The following KIR2DL4 variants were observed in gnomAD, a reference collection of about 807,000 sequenced individuals.
KIR2DL4 encodes the protein killer cell immunoglobulin-like receptor 2DL4.
A neutral mutation model predicts 31.0 loss-of-function variants in KIR2DL4; 41 were observed. The observed-to-expected ratio is 1.32, with a 90% CI of 1.03 to 1.72. The LOEUF (loss-of-function observed/expected upper bound fraction) is 1.72, where lower values mean the gene tolerates loss of function less well. KIR2DL4 is among the 40% of genes most tolerant of loss of function. The probability of loss-of-function intolerance (pLI) is 0.00; values close to 1 mark genes in which losing one functional copy is unlikely to be tolerated. For missense variants in KIR2DL4, 438 were observed against 353.7 expected (o/e 1.24, Z -1.91); for synonymous variants, 164 against 133.6 (o/e 1.23, Z -1.57).
chr19:54,804,793 G>C, exon 3 of KIR2DL4: 1 of 1,611,356 alleles, frequency 6.2e-7, no homozygotes, highest in Non-Finnish European at 8.5e-7. Flanking sequence ...TCTCCCCAAG[G>C]TGGTCAGGAC....
chr19:54,804,389 G>A (rs2060368208), intron 2 of KIR2DL4, among the ~76,000 whole-genome samples: 1 of 151,314 alleles, frequency 6.6e-6, no homozygotes, highest in African/African-American at 2.4e-5. Flanking sequence ...CAGTGTGGCT[G>A]CTGTCATTCT....
At chr19:54,814,181 C>G (rs1250437372) in exon 8 of KIR2DL4, 7 of 1,546,194 alleles carry the variant, frequency 4.5e-6, no homozygotes, top group Non-Finnish European at 6.2e-6. Context: ...CTCTTGCTTA[C>G]CAATGTCTAA....
exon 2 of KIR2DL4, chr19:54,803,900 T>C: frequency 1.2e-6 from 2 of 1,610,298 alleles, no homozygotes; most frequent in Non-Finnish European, 1.7e-6. Context: ...GGGTTCTTCT[T>C]GGACCAGAGT....
chr19:54,804,704 A>T, intron 2 of KIR2DL4, 89 bp from the exon 3 acceptor site: 29 of 1,412,444 alleles, frequency 2.1e-5, no homozygotes, highest in Non-Finnish European at 2.6e-5. Context: ...GAGCCTTAGA[A>T]AGAAGAAATG....
intron 6 of KIR2DL4, chr19:54,813,300 G>A: frequency 6.3e-7 from 1 of 1,588,594 alleles, no homozygotes; most frequent in Non-Finnish European, 8.5e-7. Context: ...ACGCAGGTGT[G>A]TGTTCCTCAC....
chr19:54,804,752 C>G (rs1262156725), intron 2 of KIR2DL4, 41 bp from the exon 3 acceptor site: 3 of 1,591,240 alleles, frequency 1.9e-6, no homozygotes, highest in Non-Finnish European at 2.6e-6. Flanking sequence ...AGGGGCAGCT[C>G]AACATACTCC....
At chr19:54,810,577 C>T (rs368290582) in intron 5 of KIR2DL4, among the ~76,000 whole-genome samples, 5 of 151,448 alleles carry the variant, frequency 3.3e-5, no homozygotes, top group African/African-American at 2.4e-5. Flanking sequence ...AGCTGTCAGC[C>T]GTGAAGGCAC....
At chr19:54,806,236 C>G in exon 4 of KIR2DL4, 1 of 1,609,954 alleles carries the variant, frequency 6.2e-7, no homozygotes, top group Non-Finnish European at 8.5e-7. Context: ...CTGCCTGTTT[C>G]TGTCACAGGT....
At chr19:54,805,137 G>T in intron 3 of KIR2DL4, 60 bp downstream of exon 3, 1 of 1,498,820 alleles carries the variant, frequency 6.7e-7, no homozygotes, top group Non-Finnish European at 8.9e-7. Context: ...AGAGCTTCTG[G>T]TGGGGGTGTC....
intron 5 of KIR2DL4, among the ~76,000 whole-genome samples, chr19:54,809,832 C>T (rs1247100687): frequency 6.6e-6 from 1 of 151,238 alleles, no homozygotes; most frequent in African/African-American, 2.4e-5. Flanking sequence ...ATCTAGGATA[C>T]CCTCCTTTTA....
intron 4 of KIR2DL4, 131 bp from the exon 5 acceptor site, chr19:54,808,702 A>G: frequency 3.9e-6 from 3 of 772,794 alleles, no homozygotes; most frequent in Non-Finnish European, 7.0e-6. Flanking sequence ...ATTATGGAGA[A>G]TGGGATGCCA....
At chr19:54,814,377 G>A in exon 8 of KIR2DL4, 1 of 486,450 alleles carries the variant, frequency 2.1e-6, no homozygotes, top group South Asian at 2.3e-5. Flanking sequence ...ACGGCACTTA[G>A]ACACGTGCTG....
At chr19:54,808,721 A>G in intron 4 of KIR2DL4, 112 bp from the exon 5 acceptor site, 2 of 831,628 alleles carry the variant, frequency 2.4e-6, no homozygotes, top group Non-Finnish European at 4.2e-6. Context: ...CAGGACTCCC[A>G]GGGCCCAACA....
chr19:54,805,665 T>C (rs1467603626), intron 3 of KIR2DL4, among the ~76,000 whole-genome samples: 4 of 151,038 alleles, frequency 2.6e-5, no homozygotes, highest in African/African-American at 9.8e-5. Context: ...TGTGATAATT[T>C]TCTCCAGCAA....
At position 54,803,821 on chromosome 19, in the gene KIR2DL4, G is replaced by A. The variant is rs560915366; in HGVS notation, c.41-70G>A. The A allele has an allele frequency of 1.6e-5, 25 of 1,562,996 alleles. 1 individual carries two copies. Among genetic ancestry groups the A allele is most frequent in the South Asian group, 6.7e-5 (6 of 88,966 alleles). ...GAGTTAATTTTCAGTCCAGCGTGGC[G>A]CCCAGTGGCTCAGGAGGAAAGGGTA... On this transcript the variant is annotated intron_variant, in intron 1 of 7. Coordinates refer to ENST00000359085, the Ensembl canonical transcript of KIR2DL4.
intron 2 of KIR2DL4, among the ~76,000 whole-genome samples, chr19:54,804,309 G>A (rs113882675): frequency 0.021 from 3,119 of 151,162 alleles, 99 homozygotes; most frequent in South Asian, 0.042. Flanking sequence ...AGCAGTGTTA[G>A]GAACAGCAGG....
intron 3 of KIR2DL4, among the ~76,000 whole-genome samples, 191 bp from the exon 4 acceptor site, chr19:54,805,760 G>A (rs2060476622): frequency 1.3e-5 from 2 of 151,076 alleles, no homozygotes; most frequent in Admixed American, 6.6e-5. Flanking sequence ...ATCAGCAAGG[G>A]TGCACTGCTG....
intron 5 of KIR2DL4, among the ~76,000 whole-genome samples, chr19:54,812,629 G>A (rs1357613176): frequency 6.7e-6 from 1 of 150,368 alleles, no homozygotes; most frequent in African/African-American, 2.5e-5. Context: ...GCGGCCTCAG[G>A]CTGCTCCCAC....
chr19:54,806,258 A>C lies in KIR2DL4; in HGVS notation c.655+14A>C. On this transcript the variant is annotated intron_variant, in intron 4 of 7. Coordinates refer to ENST00000359085, the Ensembl canonical transcript of KIR2DL4. ...TTTCTGTCACAGGTGAGGAAAGCCA[A>C]TGTCTGTCCCATGTCCTATGGTCCT... 6.2e-7 allele frequency: 1 copy of C among 1,606,482 alleles called. No individual in the cohort carries two copies. Among genetic ancestry groups the C allele is most frequent in the Non-Finnish European group, 8.5e-7 (1 of 1,176,706 alleles).
Sources: gnomAD v4.1 joint callset for allele counts (sites outside exome capture counted in the v4.1 genomes callset) on GRCh38, gnomAD v4.1.1 for gene constraint, MANE v1.5 for transcripts, NCBI Gene and HGNC (gene_info 2026-07-23, HGNC 2026-07-21) for gene names.